TMEM175: variants seen among roughly 807,000 people sequenced by gnomAD.
TMEM175 encodes transmembrane protein 175, also known as endosomal/lysosomal proton channel TMEM175.
Under a neutral mutation model 36.5 loss-of-function variants are expected in TMEM175, and 36 were observed. The ratio of observed to expected loss-of-function variants is 0.99; its 90% CI spans 0.76 to 1.30. TMEM175 has a LOEUF of 1.30. Among genes scored for constraint, TMEM175 ranks in the 50% most tolerant of loss-of-function variants. The pLI is 0.00. For synonymous variants in TMEM175, 339 were observed against 313.4 expected (o/e 1.08, Z -0.86); for missense variants, 705 against 692.8 (o/e 1.02, Z -0.20).
chr4:950,301 C>T (rs544379670), intron 3 of TMEM175, 120 bp from the exon 4 acceptor site: 19 of 780,392 alleles, frequency 2.4e-5, no homozygotes, highest in Non-Finnish European at 4.2e-5. Context: ...TCACAGGACC[C>T]ACCCGAGGGT....
At chr4:957,649 A>T (rs1271800131) in intron 10 of TMEM175, among the ~76,000 whole-genome samples, 175 bp from the exon 11 acceptor site, 1 of 152,264 alleles carries the variant, frequency 6.6e-6, no homozygotes, top group South Asian at 2.1e-4. Context: ...CGTAACAGTC[A>T]GTGTGCCAAA....
chr4:952,298 C>A, intron 6 of TMEM175, 69 bp from the exon 7 acceptor site: 2 of 1,427,044 alleles, frequency 1.4e-6, no homozygotes, highest in Non-Finnish European at 2.0e-6. Flanking sequence ...TCACCATGGC[C>A]CAGTTCCAGG....
chr4:951,669 T>G lies in TMEM175; in HGVS notation c.343-13T>G, dbSNP rs1423339415. 6.2e-7 allele frequency: 1 copy of G among 1,613,666 alleles called. No individual in the cohort carries two copies. The highest frequency in any genetic ancestry group is 1.1e-5 in the South Asian group (1 of 91,052). On this transcript the variant is annotated splice_polypyrimidine_tract_variant and intron_variant, in intron 5 of 10. Coordinates refer to ENST00000264771, the MANE Select transcript of TMEM175 (RefSeq NM_032326.4). ...AGGCCGCATCATGGCTGTGATGCCC[T>G]CCCTCCCTCCAGGCCTGCATGATGA...
In TMEM175 at chr4:958,005, G is replaced by A. The variant is rs1729962553; in HGVS notation, c.1024G>A (p.Gly342Arg). 2 of 1,612,628 alleles carry A rather than the reference G, an allele frequency of 1.2e-6. No individual in the cohort carries two copies. Among genetic ancestry groups the A allele is most frequent in the Non-Finnish European group, 1.7e-6 (2 of 1,179,874 alleles). The change falls in exon 11 of 11, where the codon GGG becomes AGG. Residue 342 changes from glycine to arginine, a missense_variant. Coordinates refer to ENST00000264771, the MANE Select transcript of TMEM175 (RefSeq NM_032326.4). ...LHVRKATRAM[G>R]LLNTLSLAFV... ...TGTGCGCAAGGCCACGCGGGCCATGGGGCTGCTGAACACGCTCTCGCTGGC... is the reference window on the plus strand; with the variant it reads ...TGTGCGCAAGGCCACGCGGGCCATGAGGCTGCTGAACACGCTCTCGCTGGC...
intron 10 of TMEM175, chr4:956,301 C>G: frequency 7.8e-7 from 1 of 1,283,904 alleles, no homozygotes; most frequent in Non-Finnish European, 1.0e-6. Context: ...TCCCAGTGCC[C>G]CCCATCGCTT....
At chr4:956,264 T>G in intron 10 of TMEM175, 1 of 1,209,838 alleles carries the variant, frequency 8.3e-7, no homozygotes, top group Non-Finnish European at 1.1e-6. Flanking sequence ...TCCTAGTCCC[T>G]AGTCCCTCCC....
At chr4:948,397 G>A (rs1241506574) in intron 3 of TMEM175, 1 of 1,527,028 alleles carries the variant, frequency 6.5e-7, no homozygotes. Flanking sequence ...CTAGGGCTCT[G>A]TTTCCGAGTT....
At chr4:956,058 A>C in intron 10 of TMEM175, 168 bp downstream of exon 10, 2 of 860,140 alleles carry the variant, frequency 2.3e-6, no homozygotes, top group Non-Finnish European at 3.3e-6. Context: ...CAGGGAGGAC[A>C]ACCTTCCCGG....
intron 1 of TMEM175, among the ~76,000 whole-genome samples, chr4:936,392 G>A (rs1179533968): frequency 2.0e-5 from 3 of 151,368 alleles, no homozygotes; most frequent in Non-Finnish European, 4.4e-5. Flanking sequence ...TATCAGAGTG[G>A]AATTCAAAAA....
At chr4:942,933 C>T (rs1003074366) in intron 1 of TMEM175, among the ~76,000 whole-genome samples, 1 of 152,058 alleles carries the variant, frequency 6.6e-6, no homozygotes, top group Non-Finnish European at 1.5e-5. Flanking sequence ...AGCCACTGCG[C>T]CCAGCCAAAA....
At position 955,711 on chromosome 4, in the gene TMEM175, A is replaced by G. The variant is rs558084216; in HGVS notation, c.707-44A>G. On this transcript the variant is annotated intron_variant, in intron 9 of 10. Coordinates refer to ENST00000264771, the MANE Select transcript of TMEM175 (RefSeq NM_032326.4). ...TGACAGCCACGCGGGCTCTACCTCCACATGGGGGGTTTGGCCAGCTCCACC... is the reference window on the plus strand; with the variant it reads ...TGACAGCCACGCGGGCTCTACCTCCGCATGGGGGGTTTGGCCAGCTCCACC... 4.1e-5 allele frequency: 66 copies of G among 1,601,086 alleles called. No homozygotes were observed. The East Asian group carries it at 1.4e-3, about 33-fold the overall frequency.
chr4:935,756 C>T (rs1344893929), intron 1 of TMEM175, among the ~76,000 whole-genome samples: 1 of 152,200 alleles, frequency 6.6e-6, no homozygotes, highest in Non-Finnish European at 1.5e-5. Context: ...TGATCATATT[C>T]TGTTCTATTA....
At chr4:957,573 G>A (rs1389483818) in intron 10 of TMEM175, among the ~76,000 whole-genome samples, 1 of 152,272 alleles carries the variant, frequency 6.6e-6, no homozygotes, top group Non-Finnish European at 1.5e-5. Flanking sequence ...TGGGCCAGCA[G>A]GGTTGGGCTC....
Position 947,250 on chromosome 4 carries a change from C to CGGGG in TMEM175, c.-31-458_-31-457insGGGG, listed in dbSNP as rs879493612. On this transcript the variant is annotated intron_variant, in intron 1 of 10. Transcript: ENST00000264771. ...GGCACGTGTGCACGGGCCCCGAGAG[C>CGGGG]GAGAGCGGGGGAGAGCGCGGCCCTG... is the stretch of plus-strand genomic sequence containing the variant. Among the ~76,000 whole-genome samples, 187 of 143,574 alleles carry CGGGG rather than the reference C, an allele frequency of 1.3e-3. 1 individual carries two copies. The highest frequency in any genetic ancestry group is 2.1e-3 in the Non-Finnish European group (136 of 65,464). The allele number at this position is 143,574 out of a possible 152,430, so 94.2% of individuals were successfully genotyped here. A position where few individuals can be genotyped will look rare whatever the true frequency, so the allele number is the denominator to read the frequency against.
chr4:942,842 G>A (rs1727690110), intron 1 of TMEM175, among the ~76,000 whole-genome samples: 1 of 151,928 alleles, frequency 6.6e-6, no homozygotes, highest in Admixed American at 6.6e-5. Flanking sequence ...GTTTTGCCAT[G>A]TTGGCCAGGC....
In TMEM175 at chr4:941,587, T is replaced by C. The variant is rs541215686; in HGVS notation, c.-31-6122T>C. On this transcript the variant is annotated intron_variant, in intron 1 of 10. Transcript: ENST00000264771. ...CCGAGTAGCTGGAATTACAGACGCG[T>C]ACCACCACACCCAGCTAATTTTTGT... is the stretch of plus-strand genomic sequence containing the variant. Among the ~76,000 whole-genome samples the C allele has an allele frequency of 1.6e-3, 245 of 151,944 alleles. 1 individual carries two copies. Among genetic ancestry groups the C allele is most frequent in the African/African-American group, 5.5e-3 (228 of 41,496 alleles).
rs1306827635 is a variant in TMEM175 at position 947,617 on chromosome 4, T to A, written c.-31-92T>A. 3 of 967,662 alleles carry A rather than the reference T, an allele frequency of 3.1e-6. No homozygotes were observed. In the African/African-American group the frequency reaches 4.9e-5, roughly 16 times the overall value. The allele number at this position is 967,662 out of a possible 1,614,324, so 59.9% of individuals were successfully genotyped here. A position where few individuals can be genotyped will look rare whatever the true frequency, so the allele number is the denominator to read the frequency against. ...TCAGTGGCGGCCAAGCCCCCCCCCA[T>A]ACCAGTCCCTGTCCCTGCACCAGGG... On this transcript the variant is annotated intron_variant, in intron 1 of 10. Transcript: ENST00000264771.
chr4:945,172 G>GTGAGGCAGCCTGTCATGGCAGTCCCGT (rs139903028), intron 1 of TMEM175, among the ~76,000 whole-genome samples: 1 of 151,846 alleles, frequency 6.6e-6, no homozygotes, highest in Non-Finnish European at 1.5e-5. Context: ...GGCAGTCCCA[G>GTGAGGCAGCCTGTCATGGCAGTCCCGT]TGAGACTGCC....
chr4:956,274 C>T (rs1251947777), intron 10 of TMEM175: 1 of 1,277,660 alleles, frequency 7.8e-7, no homozygotes, highest in Admixed American at 2.7e-5. Context: ...TAGTCCCTCC[C>T]ATTCCCTCCG....
Sources: allele counts gnomAD v4.1 joint callset (sites outside exome capture counted in the v4.1 genomes callset), GRCh38; gene constraint gnomAD v4.1.1; transcripts MANE v1.5; gene names NCBI Gene and HGNC (gene_info 2026-07-23, HGNC 2026-07-21).